The following RBBP4 variants were observed in gnomAD, a reference collection of about 807,000 sequenced individuals.
RBBP4 encodes histone-binding protein RBBP4.
A neutral mutation model predicts 57.2 loss-of-function variants in RBBP4; 3 were observed. The observed-to-expected ratio is 0.05, with a 90% CI of 0.02 to 0.14. RBBP4 has a LOEUF of 0.14. Among genes scored for constraint, RBBP4 ranks in the 10% least tolerant of loss-of-function variants. The probability of loss-of-function intolerance (pLI) is 1.00; values close to 1 mark genes in which losing one functional copy is unlikely to be tolerated. For missense variants in RBBP4, 107 were observed against 520.6 expected (o/e 0.21, Z 7.73); for synonymous variants, 151 against 171.5 (o/e 0.88, Z 0.93).
intron 1 of RBBP4, chr1:32,651,561 T>C: frequency 9.0e-7 from 1 of 1,105,546 alleles, no homozygotes; most frequent in Non-Finnish European, 1.2e-6. Flanking sequence ...TTTCTCTTCC[T>C]GCCTCCGATA....
chr1:32,666,271 T>C (rs1020387927), intron 3 of RBBP4, among the ~76,000 whole-genome samples: 1 of 152,250 alleles, frequency 6.6e-6, no homozygotes, highest in African/African-American at 2.4e-5. Context: ...CTTTAGTGTT[T>C]AGCACACTGT....
In RBBP4 at chr1:32,680,385, A is replaced by C. The variant is rs1570882021; in HGVS notation, c.*680A>C. On this transcript the variant is annotated 3_prime_UTR_variant, in exon 12 of 12. Coordinates refer to ENST00000373493, the MANE Select transcript of RBBP4 (RefSeq NM_005610.3). ...TTTTTTTTTTTTTTTTTAACTTGGG[A>C]CCACCAAGTTGTAAAGATGTATGTT... 3 of 1,114,764 alleles carry C rather than the reference A, an allele frequency of 2.7e-6. No individual in the cohort carries two copies. Among genetic ancestry groups the C allele is most frequent in the Non-Finnish European group, 2.2e-6 (2 of 911,316 alleles). 69.1% of individuals were successfully genotyped at this position (1,114,764 alleles called of 1,614,324 possible). A position where few individuals can be genotyped will look rare whatever the true frequency, so the allele number is the denominator to read the frequency against.
chr1:32,679,249 A>T (rs1284396492), intron 11 of RBBP4, among the ~76,000 whole-genome samples: 1 of 152,208 alleles, frequency 6.6e-6, no homozygotes, highest in Non-Finnish European at 1.5e-5. Context: ...GTGAGCCGAG[A>T]TGGTGCCACT....
intron 8 of RBBP4, among the ~76,000 whole-genome samples, chr1:32,670,663 C>A (rs181185500): frequency 6.6e-6 from 1 of 152,196 alleles, no homozygotes; most frequent in East Asian, 1.9e-4. Flanking sequence ...ACCTCCACTT[C>A]CCAGGCTAAA....
chr1:32,674,520 A>C (rs1570868437), intron 11 of RBBP4, among the ~76,000 whole-genome samples: 1 of 149,686 alleles, frequency 6.7e-6, no homozygotes, highest in Non-Finnish European at 1.5e-5. Flanking sequence ...GAGGCTGCCC[A>C]CCCGCCCCCC....
At chr1:32,678,675 C>T (rs564793897) in intron 11 of RBBP4, among the ~76,000 whole-genome samples, 15 of 137,186 alleles carry the variant, frequency 1.1e-4, no homozygotes, top group Non-Finnish European at 2.1e-4. Flanking sequence ...CTACAACCAC[C>T]ACCTCCCAGG....
intron 2 of RBBP4, among the ~76,000 whole-genome samples, chr1:32,656,344 C>T (rs1009363709): frequency 1.3e-4 from 5 of 39,932 alleles, no homozygotes; most frequent in Non-Finnish European, 9.5e-4. Flanking sequence ...AGCCAGCCGC[C>T]GGTTTTTTTT....
intron 3 of RBBP4, 190 bp downstream of exon 3, chr1:32,657,762 C>A: frequency 1.7e-6 from 1 of 578,262 alleles, no homozygotes; most frequent in Non-Finnish European, 2.7e-6. Flanking sequence ...ATCCTTGGTT[C>A]TGTACCTTCA....
intron 3 of RBBP4, 26 bp from the exon 4 acceptor site, chr1:32,668,199 C>G: frequency 6.3e-7 from 1 of 1,598,788 alleles, no homozygotes; most frequent in Non-Finnish European, 8.5e-7. Flanking sequence ...TTGTTTTGTC[C>G]TCATTTGCAA....
Position 32,672,497 on chromosome 1 carries a change from T to C in RBBP4, c.1014T>C (p.Thr338=). 6.2e-7 allele frequency: 1 copy of C among 1,611,298 alleles called. No individual in the cohort carries two copies. ...HNETILASSG[T]DRRLNVWDLS... is the part of the protein sequence containing the mutation. ...AGACTATTTTAGCTTCCAGTGGTAC[T>C]GATCGCAGACTGAATGTCTGGGATT... The change falls in exon 9 of 12, where the codon ACT becomes ACC. Residue 338 remains threonine, a synonymous_variant. Transcript: ENST00000373493.
chr1:32,669,136 A>G lies in RBBP4; in HGVS notation c.761+4A>G. Reference sequence around the variant, plus strand: ...CTGATGATCAGAAACTTATGATGTGAGTAGAATCCATTCAGAGTTTCTAAA... The same window carrying G: ...CTGATGATCAGAAACTTATGATGTGGGTAGAATCCATTCAGAGTTTCTAAA... On this transcript the variant is annotated splice_donor_region_variant and intron_variant, in intron 6 of 11. Coordinates refer to ENST00000373493, the MANE Select transcript of RBBP4 (RefSeq NM_005610.3). The surrounding 1 kb of genome is among the most constrained non-coding windows in gnomAD (Gnocchi z 4.9). The G allele has an allele frequency of 6.2e-6, 10 of 1,613,766 alleles. No individual in the cohort carries two copies. The highest frequency in any genetic ancestry group is 8.5e-6 in the Non-Finnish European group (10 of 1,179,850).
chr1:32,654,341 G>A (rs1010180086), intron 2 of RBBP4, among the ~76,000 whole-genome samples: 1 of 152,158 alleles, frequency 6.6e-6, no homozygotes, highest in Non-Finnish European at 1.5e-5. Context: ...TCCTGCTACT[G>A]CACTCCAGCC....
In RBBP4 at chr1:32,683,729, T is replaced by C; in HGVS notation, c.*4024T>C. The C allele has an allele frequency of 3.0e-6, 1 of 332,726 alleles. No homozygotes were observed. 20.6% of individuals were successfully genotyped at this position (332,726 alleles called of 1,614,324 possible). ...ACTCACTGCAACCTCTGCCTCCTGG[T>C]TCAAGCGATTCTCCTGCCTTGGCCT... is the stretch of plus-strand genomic sequence containing the variant. On this transcript the variant is annotated 3_prime_UTR_variant, in exon 12 of 12. Transcript: ENST00000373493.
At position 32,667,592 on chromosome 1, in the gene RBBP4, T is replaced by C. The variant is rs572533522; in HGVS notation, c.311-633T>C. On this transcript the variant is annotated intron_variant, in intron 3 of 11. Coordinates refer to ENST00000373493, the MANE Select transcript of RBBP4 (RefSeq NM_005610.3). Reference sequence around the variant, plus strand: ...TTTTGTCTTGTGTCTTTATTTCTTATGATCTCTCATCTCCGCACACGGGGA... The same window carrying C: ...TTTTGTCTTGTGTCTTTATTTCTTACGATCTCTCATCTCCGCACACGGGGA... Among the ~76,000 whole-genome samples the C allele has an allele frequency of 3.3e-5, 5 of 152,342 alleles. 1 individual carries two copies. The highest frequency in any genetic ancestry group is 7.2e-5 in the African/African-American group (3 of 41,570).
chr1:32,665,892 A>G (rs1225636185), intron 3 of RBBP4, among the ~76,000 whole-genome samples: 4 of 152,164 alleles, frequency 2.6e-5, no homozygotes, highest in African/African-American at 9.7e-5. Context: ...CAACCGTACC[A>G]TGCTGCCTTC....
rs1030327661 is a variant in RBBP4 at position 32,685,793 on chromosome 1, A to G, written c.*6088A>G. 6.6e-6 allele frequency: 1 copy of G among 152,244 alleles called. No homozygotes were observed. Among genetic ancestry groups the G allele is most frequent in the East Asian group, 1.9e-4 (1 of 5,200 alleles). The allele number at this position is 152,244 out of a possible 1,614,324, so 9.4% of individuals were successfully genotyped here. A position where few individuals can be genotyped will look rare whatever the true frequency, so the allele number is the denominator to read the frequency against. ...TGCACCACCAGTGATAAGCTGTGAC[A>G]GAGTGGAACAGCCTCAATGAAATGA... On this transcript the variant is annotated 3_prime_UTR_variant, in exon 12 of 12. Transcript: ENST00000373493.
chr1:32,669,596 T>C lies in RBBP4; in HGVS notation c.966+33T>C, dbSNP rs372380199. ...AAACTAATGCTACTATTTTGTTTGTTTTAAGAAAAACCTGCTGGGCGCGGT... is the reference window on the plus strand; with the variant it reads ...AAACTAATGCTACTATTTTGTTTGTCTTAAGAAAAACCTGCTGGGCGCGGT... On this transcript the variant is annotated intron_variant, in intron 8 of 11. Transcript: ENST00000373493. The surrounding 1 kb of genome is among the most constrained non-coding windows in gnomAD (Gnocchi z 4.9). 295 of 1,580,226 alleles carry C rather than the reference T, an allele frequency of 1.9e-4. 1 individual carries two copies. Among genetic ancestry groups the C allele is most frequent in the South Asian group, 4.9e-4 (43 of 87,090 alleles).
chr1:32,656,750 G>A (rs2148517240), intron 2 of RBBP4, among the ~76,000 whole-genome samples: 1 of 152,250 alleles, frequency 6.6e-6, no homozygotes, highest in East Asian at 1.9e-4. Context: ...GTTAGTAAAT[G>A]TTTGAAAAAT....
chr1:32,674,917 T>G (rs1386197512), intron 11 of RBBP4, among the ~76,000 whole-genome samples: 1 of 151,390 alleles, frequency 6.6e-6, no homozygotes, highest in African/African-American at 2.4e-5. Context: ...TGTTTTTTAT[T>G]TAGTAGAGAC....
Sources: gnomAD v4.1 joint callset for allele counts (sites outside exome capture counted in the v4.1 genomes callset) on GRCh38, gnomAD v4.1.1 for gene constraint, Gnocchi (gnomAD v3.1) non-coding constraint, MANE v1.5 for transcripts, NCBI Gene and HGNC (gene_info 2026-07-23, HGNC 2026-07-21) for gene names.